Variants in PPARG observed in about 807,000 individuals in gnomAD.
The protein encoded by PPARG is peroxisome proliferator-activated receptor gamma.
A neutral mutation model predicts 39.2 loss-of-function variants in PPARG; 17 were observed. The ratio of observed to expected loss-of-function variants is 0.43; its 90% confidence interval spans 0.30 to 0.65. The LOEUF (loss-of-function observed/expected upper bound fraction) is 0.65. Ranked by LOEUF, PPARG falls within the 30% of genes least tolerant of loss-of-function variation. The pLI is 0.13. For synonymous variants in PPARG, 223 were observed against 215.7 expected (o/e 1.03, Z -0.30); for missense variants, 406 against 585.9 (o/e 0.69, Z 3.17).
chr3:12,355,179 C>G (rs1559505054), intron 2 of PPARG, among the ~76,000 whole-genome samples: 1 of 152,074 alleles, frequency 6.6e-6, no homozygotes, highest in Non-Finnish European at 1.5e-5. Context: ...GTCACCCAGG[C>G]TAGAGTGCAG....
chr3:12,373,674 C>G (rs961908770), intron 2 of PPARG, among the ~76,000 whole-genome samples: 1 of 151,584 alleles, frequency 6.6e-6, no homozygotes, highest in Non-Finnish European at 1.5e-5. Flanking sequence ...AAAAAAAAAA[C>G]TGTGCATAGA....
At chr3:12,312,926 C>G (rs944772572) in intron 2 of PPARG, among the ~76,000 whole-genome samples, 5 of 152,030 alleles carry the variant, frequency 3.3e-5, no homozygotes, top group African/African-American at 1.2e-4. Flanking sequence ...TAAGTTATAC[C>G]CGGCATTAAA....
At chr3:12,432,657 A>T (rs1175821948) in intron 7 of PPARG, among the ~76,000 whole-genome samples, 1 of 152,216 alleles carries the variant, frequency 6.6e-6, no homozygotes, top group African/African-American at 2.4e-5. Flanking sequence ...CAAGAAGAGG[A>T]AATGAGAAAG....
intron 2 of PPARG, among the ~76,000 whole-genome samples, chr3:12,341,132 G>A (rs887637407): frequency 6.6e-6 from 1 of 151,476 alleles, no homozygotes; most frequent in African/African-American, 2.4e-5. Context: ...GCAGTGAGCT[G>A]AGATCACGCC....
At chr3:12,359,324 G>A (rs2048762758) in intron 2 of PPARG, among the ~76,000 whole-genome samples, 1 of 152,066 alleles carries the variant, frequency 6.6e-6, no homozygotes, top group Non-Finnish European at 1.5e-5. Flanking sequence ...GAGGAAGTTT[G>A]GAAAAGAGAA....
At chr3:12,370,489 A>G (rs1371119636) in intron 2 of PPARG, among the ~76,000 whole-genome samples, 2 of 152,228 alleles carry the variant, frequency 1.3e-5, no homozygotes, top group African/African-American at 2.4e-5. Flanking sequence ...TTTCAAGTAC[A>G]TGTGATAAAA....
chr3:12,292,785 A>G (rs2046678989), intron 1 of PPARG, among the ~76,000 whole-genome samples: 1 of 152,142 alleles, frequency 6.6e-6, no homozygotes, highest in African/African-American at 2.4e-5. Context: ...ACACGGGGTG[A>G]TGGGGTGAAG....
intron 5 of PPARG, among the ~76,000 whole-genome samples, chr3:12,399,065 T>C (rs1013698429): frequency 6.6e-6 from 1 of 152,110 alleles, no homozygotes; most frequent in Non-Finnish European, 1.5e-5. Flanking sequence ...ATACCCAGTC[T>C]CCCCTACCAG....
At chr3:12,311,608 T>C (rs531772101) in intron 1 of PPARG, among the ~76,000 whole-genome samples, 66 of 152,338 alleles carry the variant, frequency 4.3e-4, no homozygotes, top group Non-Finnish European at 8.5e-4. Context: ...GAGTTTCATG[T>C]AGGTAAGACT....
intron 6 of PPARG, among the ~76,000 whole-genome samples, 178 bp from the exon 7 acceptor site, chr3:12,416,526 A>G (rs1196788113): frequency 1.3e-5 from 2 of 152,242 alleles, no homozygotes; most frequent in Non-Finnish European, 2.9e-5. Context: ...TTGGTCCCAG[A>G]AGATAATTAA....
At position 12,406,302 on chromosome 3, in the gene PPARG, G is replaced by C. The variant is rs2050664178; in HGVS notation, c.729+221G>C. ...AGGGAGAAAAGTCCATAAAGTTTTTGAGAATAGTGTAACAATGTATTGGTC... is the reference window on the plus strand; with the variant it reads ...AGGGAGAAAAGTCCATAAAGTTTTTCAGAATAGTGTAACAATGTATTGGTC... On this transcript the variant is annotated intron_variant, in intron 6 of 7. Coordinates refer to ENST00000651735, the MANE Select transcript of PPARG (RefSeq NM_138711.6). 4.4e-5 allele frequency: 26 copies of C among 595,428 alleles called. No homozygotes were observed. The South Asian group carries it at 5.1e-4, about 12-fold the overall frequency. 36.9% of individuals were successfully genotyped at this position (595,428 alleles called of 1,614,324 possible).
intron 5 of PPARG, among the ~76,000 whole-genome samples, chr3:12,398,575 G>A (rs937894206): frequency 6.6e-6 from 1 of 152,220 alleles, no homozygotes; most frequent in Admixed American, 6.5e-5. Flanking sequence ...ACCCATTGTA[G>A]GTTAGAGAGG....
Position 12,321,838 on chromosome 3 carries a change from T to C in PPARG, c.-9+9385T>C, listed in dbSNP as rs183570137. ...TGTTGATTCAACATTTTTTATAGTA[T>C]ACTTCTTGAGAACAGAGACCATGTT... On this transcript the variant is annotated intron_variant, in intron 2 of 7. Coordinates refer to ENST00000651735, the MANE Select transcript of PPARG (RefSeq NM_138711.6). 1.6e-4 allele frequency among the ~76,000 whole-genome samples: 25 copies of C among 152,352 alleles called. 1 individual carries two copies. In the East Asian group the frequency reaches 4.8e-3, roughly 29 times the overall value.
Position 12,298,324 on chromosome 3 carries a change from A to G in PPARG, c.-83+9190A>G, listed in dbSNP as rs150514725. On this transcript the variant is annotated intron_variant, in intron 1 of 7. Transcript: ENST00000651735. ...AAAAAAAAAAAAAAAAAAAAAAAAA[A>G]AAAGAAATGTAAAATAGCAAGCGAG... 2.1e-3 allele frequency among the ~76,000 whole-genome samples: 278 copies of G among 134,632 alleles called. 3 individuals are homozygous for G. The highest frequency in any genetic ancestry group is 4.1e-3 in the Middle Eastern group (1 of 246). The allele number at this position is 134,632 out of a possible 152,430, so 88.3% of individuals were successfully genotyped here.
At chr3:12,304,152 C>A (rs2046999025) in intron 1 of PPARG, among the ~76,000 whole-genome samples, 1 of 152,320 alleles carries the variant, frequency 6.6e-6, no homozygotes, top group South Asian at 2.1e-4. Flanking sequence ...ACGCAAATTT[C>A]TGCAGAAGTG....
intron 1 of PPARG, among the ~76,000 whole-genome samples, chr3:12,303,448 G>A (rs1203293235): frequency 4.6e-5 from 7 of 152,098 alleles, no homozygotes; most frequent in Non-Finnish European, 7.4e-5. Context: ...TGATCTGCCC[G>A]CCTCAGCCTC....
chr3:12,327,223 C>G (rs1041925764), intron 2 of PPARG, among the ~76,000 whole-genome samples: 5 of 152,182 alleles, frequency 3.3e-5, no homozygotes, highest in Non-Finnish European at 7.3e-5. Context: ...TTTATTTTAG[C>G]TGTTCTGTTT....
At chr3:12,419,182 T>C (rs1456664928) in intron 7 of PPARG, among the ~76,000 whole-genome samples, 1 of 152,018 alleles carries the variant, frequency 6.6e-6, no homozygotes, top group African/African-American at 2.4e-5. Flanking sequence ...TGACCTCAGG[T>C]GATCCGCCTG....
chr3:12,433,400 T>G (rs2051729093), intron 7 of PPARG, among the ~76,000 whole-genome samples: 1 of 151,850 alleles, frequency 6.6e-6, no homozygotes, highest in East Asian at 1.9e-4. Flanking sequence ...TAGAAAGGCG[T>G]GGTGGTGAGC....
Sources: allele counts gnomAD v4.1 joint callset (sites outside exome capture counted in the v4.1 genomes callset), GRCh38; gene constraint gnomAD v4.1.1; transcripts MANE v1.5; gene names NCBI Gene and HGNC (gene_info 2026-07-23, HGNC 2026-07-21).